ITSN1: variants seen among roughly 807,000 people sequenced by gnomAD.
ITSN1 encodes intersectin-1.
A neutral mutation model predicts 239.8 loss-of-function variants in ITSN1; 58 were observed. The observed-to-expected ratio is 0.24, with a 90% confidence interval of 0.20 to 0.30. ITSN1 has a LOEUF of 0.30. ITSN1 is among the 10% of genes least tolerant of loss of function. ITSN1 has a pLI of 1.00. For missense variants in ITSN1, 1,558 were observed against 2,103.3 expected (o/e 0.74, Z 5.07); for synonymous variants, 780 against 770.8 (o/e 1.01, Z -0.20).
intron 35 of ITSN1, 81 bp from the exon 36 acceptor site, chr21:33,883,469 A>T: frequency 3.9e-6 from 6 of 1,553,760 alleles, no homozygotes; most frequent in Non-Finnish European, 5.3e-6. Flanking sequence ...ACATTGGCAT[A>T]AGTGTGCTCA....
intron 33 of ITSN1, among the ~76,000 whole-genome samples, chr21:33,868,089 C>G (rs895611866): frequency 2.0e-5 from 3 of 152,214 alleles, no homozygotes; most frequent in Admixed American, 6.5e-5. Flanking sequence ...ACTGCTGGCT[C>G]GGGCAGCCTG....
chr21:33,841,173 T>C (rs575049042), intron 29 of ITSN1, among the ~76,000 whole-genome samples: 1 of 152,350 alleles, frequency 6.6e-6, no homozygotes, highest in East Asian at 1.9e-4. Context: ...TCCCTGTTTC[T>C]GGAAAGGAAT....
chr21:33,742,548 T>C (rs1369031485), intron 5 of ITSN1, among the ~76,000 whole-genome samples: 1 of 152,012 alleles, frequency 6.6e-6, no homozygotes, highest in Non-Finnish European at 1.5e-5. Context: ...AGAGCAGCAA[T>C]AGAAATAGGA....
intron 29 of ITSN1, among the ~76,000 whole-genome samples, chr21:33,855,833 C>T (rs574154875): frequency 5.9e-5 from 9 of 152,352 alleles, no homozygotes; most frequent in African/African-American, 2.2e-4. Context: ...CCCCAGGGGC[C>T]AGGCAGCAGC....
chr21:33,892,185 T>G lies in ITSN1; in HGVS notation c.*3885T>G, dbSNP rs2148584834. Reference sequence around the variant, plus strand: ...AACAAAGGCACCTGGATTGCTTTGTTTTGCTTTTAGATAAAAGAGCTTTAG... The same window carrying G: ...AACAAAGGCACCTGGATTGCTTTGTGTTGCTTTTAGATAAAAGAGCTTTAG... On this transcript the variant is annotated 3_prime_UTR_variant, in exon 40 of 40. Transcript: ENST00000381318. The G allele has an allele frequency of 6.6e-6, 1 of 152,296 alleles. No individual in the cohort carries two copies. 9.4% of individuals were successfully genotyped at this position (152,296 alleles called of 1,614,324 possible).
chr21:33,837,169 G>T, intron 29 of ITSN1: 1 of 1,351,542 alleles, frequency 7.4e-7, no homozygotes, highest in Non-Finnish European at 9.5e-7. Flanking sequence ...TTTTACCTTA[G>T]TTGCATGTGA....
intron 1 of ITSN1, among the ~76,000 whole-genome samples, chr21:33,644,451 C>T (rs902059947): frequency 7.2e-5 from 11 of 151,772 alleles, no homozygotes; most frequent in Admixed American, 6.6e-5. Context: ...ATTTCTTTAT[C>T]TAGGAATGCT....
At chr21:33,737,240 A>G (rs912815273) in intron 5 of ITSN1, among the ~76,000 whole-genome samples, 1 of 152,184 alleles carries the variant, frequency 6.6e-6, no homozygotes, top group Non-Finnish European at 1.5e-5. Flanking sequence ...ACTGCTGAGA[A>G]AGTTTTACAG....
At chr21:33,860,141 T>C (rs1350100693) in intron 31 of ITSN1, among the ~76,000 whole-genome samples, 1 of 151,724 alleles carries the variant, frequency 6.6e-6, no homozygotes, top group Non-Finnish European at 1.5e-5. Flanking sequence ...ACCCCATCTG[T>C]ACCAAAAATA....
chr21:33,798,597 C>T (rs2071742869), intron 18 of ITSN1, among the ~76,000 whole-genome samples: 1 of 152,166 alleles, frequency 6.6e-6, no homozygotes, highest in African/African-American at 2.4e-5. Flanking sequence ...CAAGTCATTG[C>T]TTTTTCTTTG....
Position 33,684,728 on chromosome 21 carries a change from TAA to T in ITSN1, c.-32-34068_-32-34067del, listed in dbSNP as rs574678827. Among the ~76,000 whole-genome samples the T allele has an allele frequency of 2.3e-3, 344 of 152,272 alleles. 2 individuals are homozygous for T. Among genetic ancestry groups the T allele is most frequent in the African/African-American group, 8.1e-3 (335 of 41,560 alleles). ...TATGTCATGTAATTCTTATGACATATAAGAGAGAAAACATTAATCTAGAGTAG... is the reference window on the plus strand; with the variant it reads ...TATGTCATGTAATTCTTATGACATATGAGAGAAAACATTAATCTAGAGTAG... On this transcript the variant is annotated intron_variant, in intron 1 of 39. Transcript: ENST00000381318.
intron 14 of ITSN1, among the ~76,000 whole-genome samples, chr21:33,775,410 C>T (rs570204045): frequency 6.6e-6 from 1 of 152,184 alleles, no homozygotes; most frequent in East Asian, 1.9e-4. Flanking sequence ...CAGAGACTAA[C>T]AAAATAAAGT....
At chr21:33,826,221 A>G (rs2073963664) in intron 25 of ITSN1, among the ~76,000 whole-genome samples, 1 of 152,140 alleles carries the variant, frequency 6.6e-6, no homozygotes, top group African/African-American at 2.4e-5. Context: ...CAATGTATAA[A>G]CTCTGTGAAA....
intron 1 of ITSN1, among the ~76,000 whole-genome samples, chr21:33,688,202 A>G (rs1448094779): frequency 2.0e-5 from 3 of 152,298 alleles, no homozygotes; most frequent in Non-Finnish European, 4.4e-5. Context: ...GGCTAATATA[A>G]TACCATGAAG....
At chr21:33,782,508 G>A (rs1333724674) in intron 16 of ITSN1, among the ~76,000 whole-genome samples, 1 of 151,864 alleles carries the variant, frequency 6.6e-6, no homozygotes. Flanking sequence ...TCTTCATTGC[G>A]CTTAAATGTA....
intron 1 of ITSN1, among the ~76,000 whole-genome samples, chr21:33,671,373 G>A (rs1317811098): frequency 6.6e-6 from 1 of 151,798 alleles, no homozygotes; most frequent in Non-Finnish European, 1.5e-5. Flanking sequence ...CGCAACCCCC[G>A]CCTCCCGGAT....
intron 8 of ITSN1, among the ~76,000 whole-genome samples, chr21:33,761,212 A>G (rs1286348242): frequency 6.6e-6 from 1 of 151,980 alleles, no homozygotes; most frequent in Non-Finnish European, 1.5e-5. Flanking sequence ...AGTAACTGTG[A>G]CCACAGGCTC....
chr21:33,755,247 G>A (rs753327734), intron 7 of ITSN1, 50 bp from the exon 8 acceptor site: 2 of 1,051,036 alleles, frequency 1.9e-6, no homozygotes, highest in South Asian at 1.5e-5. Context: ...ACTTTACCAG[G>A]CTGTTCCTTA....
chr21:33,795,015 A>G (rs2071425324), intron 17 of ITSN1, among the ~76,000 whole-genome samples: 2 of 152,214 alleles, frequency 1.3e-5, no homozygotes, highest in South Asian at 4.1e-4. Context: ...CTTGTAACTT[A>G]CTGTAGTAAA....
Sources: gnomAD v4.1 joint callset for allele counts (sites outside exome capture counted in the v4.1 genomes callset) on GRCh38, gnomAD v4.1.1 for gene constraint, MANE v1.5 for transcripts, NCBI Gene and HGNC (gene_info 2026-07-23, HGNC 2026-07-21) for gene names.